The following ZNF565 variants were observed in gnomAD, a reference collection of about 807,000 sequenced individuals.
ZNF565 encodes zinc finger protein 565.
In ZNF565, 27 loss-of-function variants were observed where a neutral mutation model predicts 39.4. That is an observed-to-expected ratio of 0.69 (90% CI 0.51 to 0.95). ZNF565 has a LOEUF of 0.95. Ranked by LOEUF, ZNF565 falls within the 40% of genes least tolerant of loss-of-function variation. The probability of loss-of-function intolerance (pLI) is 0.00; values close to 1 mark genes in which losing one functional copy is unlikely to be tolerated. For synonymous variants in ZNF565, 185 were observed against 216.6 expected (o/e 0.85, Z 1.28); for missense variants, 524 against 621.1 (o/e 0.84, Z 1.66).
chr19:36,221,927 CTTTTTTTTTTTTTTT>C (rs60347994), intron 1 of ZNF565, among the ~76,000 whole-genome samples: 3 of 109,890 alleles, frequency 2.7e-5, no homozygotes, highest in African/African-American at 1.1e-4. Flanking sequence ...TTTTTTCTTT[CTTTTTTTTTTTTTTT>C]TTTTTTTGAA....
chr19:36,233,497 G>T (rs908074413), intron 1 of ZNF565, among the ~76,000 whole-genome samples: 3 of 152,060 alleles, frequency 2.0e-5, no homozygotes, highest in Non-Finnish European at 4.4e-5. Flanking sequence ...ACCTGCATAC[G>T]GAGGACCTCT....
intron 1 of ZNF565, among the ~76,000 whole-genome samples, chr19:36,205,117 C>A (rs1308357712): frequency 2.0e-5 from 3 of 152,180 alleles, no homozygotes; most frequent in Non-Finnish European, 4.4e-5. Flanking sequence ...CCAATAAATA[C>A]AGGCTGATGC....
intron 4 of ZNF565, among the ~76,000 whole-genome samples, chr19:36,190,469 G>C (rs1209574764): frequency 6.6e-6 from 1 of 151,830 alleles, no homozygotes; most frequent in Admixed American, 6.6e-5. Context: ...CCAGCTACTC[G>C]GGAGGCTGAG....
intron 1 of ZNF565, among the ~76,000 whole-genome samples, chr19:36,244,536 A>G (rs1600011278): frequency 6.6e-6 from 1 of 151,324 alleles, no homozygotes; most frequent in East Asian, 2.0e-4. Flanking sequence ...GCAAGACCCT[A>G]AAGAAAAAGT....
In ZNF565 at chr19:36,208,190, A is replaced by T. The variant is rs1463167045; in HGVS notation, c.-65-6140T>A. ...CATAATGTGAAACAAAATGTGAATT[A>T]TGAGTTACAGGACAATTTTTTTTTT... On this transcript the variant is annotated intron_variant, in intron 1 of 4. Coordinates refer to ENST00000304116, the MANE Select transcript of ZNF565 (RefSeq NM_152477.5). Among the ~76,000 whole-genome samples, 3 of 149,796 alleles carry T rather than the reference A, an allele frequency of 2.0e-5. No homozygotes were observed. In the East Asian group the frequency reaches 5.9e-4, roughly 29 times the overall value.
chr19:36,223,261 A>T (rs1037761828), intron 1 of ZNF565, among the ~76,000 whole-genome samples: 3 of 151,944 alleles, frequency 2.0e-5, no homozygotes, highest in Non-Finnish European at 4.4e-5. Context: ...TACTAAAAAT[A>T]CAAAAAATTT....
intron 2 of ZNF565, among the ~76,000 whole-genome samples, chr19:36,198,596 T>C (rs1027130512): frequency 6.7e-6 from 1 of 149,540 alleles, no homozygotes; most frequent in African/African-American, 2.4e-5. Flanking sequence ...AATAAGAACT[T>C]AATTGTACAT....
chr19:36,235,223 AGAAAG>A (rs1977601357), intron 1 of ZNF565, among the ~76,000 whole-genome samples: 1 of 151,512 alleles, frequency 6.6e-6, no homozygotes, highest in Admixed American at 6.6e-5. Flanking sequence ...AAAAAAAAGA[AGAAAG>A]AAAGATGAAC....
At chr19:36,239,161 T>G (rs928032385) in intron 1 of ZNF565, among the ~76,000 whole-genome samples, 1 of 152,132 alleles carries the variant, frequency 6.6e-6, no homozygotes, top group Non-Finnish European at 1.5e-5. Context: ...ATTTCTAACA[T>G]TTTGCAGAAT....
At chr19:36,212,015 G>C (rs1976378412) in intron 1 of ZNF565, among the ~76,000 whole-genome samples, 2 of 152,148 alleles carry the variant, frequency 1.3e-5, no homozygotes, top group South Asian at 4.1e-4. Flanking sequence ...GAAAAACAGT[G>C]ACTTTGCAGC....
At chr19:36,186,011 A>C (rs1975285178) in intron 4 of ZNF565, among the ~76,000 whole-genome samples, 1 of 147,566 alleles carries the variant, frequency 6.8e-6, no homozygotes, top group Admixed American at 6.8e-5. Context: ...TTTTTTTAAT[A>C]TTTGACATGG....
At chr19:36,244,062 C>T (rs1230186466) in intron 1 of ZNF565, among the ~76,000 whole-genome samples, 2 of 152,050 alleles carry the variant, frequency 1.3e-5, no homozygotes, top group Non-Finnish European at 2.9e-5. Context: ...CAGCCCCAGT[C>T]ATTAGGCTGC....
intron 1 of ZNF565, among the ~76,000 whole-genome samples, chr19:36,232,655 C>G (rs1233289832): frequency 6.7e-6 from 1 of 148,370 alleles, no homozygotes. Flanking sequence ...GTCACCCAGG[C>G]TGGAGTGCAG....
intron 1 of ZNF565, chr19:36,236,944 G>A: frequency 1.2e-6 from 2 of 1,614,062 alleles, no homozygotes; most frequent in Non-Finnish European, 1.7e-6. Flanking sequence ...TTGGCCAGAA[G>A]AAGTACCTCA....
At chr19:36,219,695 C>G (rs536544178) in intron 1 of ZNF565, among the ~76,000 whole-genome samples, 79 of 152,166 alleles carry the variant, frequency 5.2e-4, no homozygotes, top group Admixed American at 9.8e-4. Context: ...GGTTTTAAAA[C>G]CAATACATAA....
chr19:36,203,355 A>G (rs1976036527), intron 1 of ZNF565: 1 of 151,124 alleles, frequency 6.6e-6, no homozygotes, highest in African/African-American at 2.4e-5. Flanking sequence ...AAAAAAAAAA[A>G]GACAAGTACA....
chr19:36,225,841 A>T (rs1269579988), intron 1 of ZNF565, among the ~76,000 whole-genome samples: 1 of 147,480 alleles, frequency 6.8e-6, no homozygotes, highest in Non-Finnish European at 1.5e-5. Context: ...GCTCACTGCA[A>T]CGTCCACCTC....
chr19:36,194,918 C>T (rs1000713965), intron 3 of ZNF565, 112 bp downstream of exon 3: 1 of 1,530,632 alleles, frequency 6.5e-7, no homozygotes, highest in African/African-American at 1.4e-5. Flanking sequence ...GTAGCGTCTC[C>T]TGTGACAGTT....
At chr19:36,211,441 A>ACTCT (rs373301682) in intron 1 of ZNF565, among the ~76,000 whole-genome samples, 6,820 of 123,020 alleles carry the variant, frequency 0.055, 192 homozygotes, top group African/African-American at 0.064. Context: ...CCAAACTCCA[A>ACTCT]CTCTCTCTCA....
Sources: gnomAD v4.1 joint callset for allele counts (sites outside exome capture counted in the v4.1 genomes callset) on GRCh38, gnomAD v4.1.1 for gene constraint, MANE v1.5 for transcripts, NCBI Gene and HGNC (gene_info 2026-07-23, HGNC 2026-07-21) for gene names.